The following ABHD12 variants were observed in gnomAD, a reference collection of about 807,000 sequenced individuals.
The protein encoded by ABHD12 is lysophosphatidylserine lipase ABHD12.
ABHD12 carries 43 observed loss-of-function variants against 58.3 expected under a neutral mutation model. The observed-to-expected ratio is 0.74, with a 90% CI of 0.58 to 0.95. The LOEUF is 0.95. Among genes scored for constraint, ABHD12 ranks in the 40% least tolerant of loss-of-function variants. The pLI is 0.00. For synonymous variants in ABHD12, 219 were observed against 211.2 expected (o/e 1.04, Z -0.32); for missense variants, 539 against 537.2 (o/e 1.00, Z -0.03).
rs2088979026 is a variant in ABHD12, at chr20:25,317,194, T to C, written c.543-116A>G. The stretch of plus-strand genomic sequence containing the variant: ...GCCAATGAAAGAGGGCAGAACCTCT[T>C]CCTTGGGTCCCCCTAAGTAGCCCCA... On this transcript the variant is annotated intron_variant, in intron 4 of 12. Coordinates refer to ENST00000339157, the MANE Select transcript of ABHD12 (RefSeq NM_001042472.3). 8.3e-6 allele frequency: 6 copies of C among 723,254 alleles called. No individual in the cohort carries two copies. In the East Asian group the frequency reaches 1.6e-4, roughly 19 times the overall value. The allele number at this position is 723,254 out of a possible 1,614,324, so 44.8% of individuals were successfully genotyped here.
chr20:25,308,569 G>A, intron 7 of ABHD12, 75 bp from the exon 8 acceptor site: 1 of 1,518,046 alleles, frequency 6.6e-7, no homozygotes, highest in African/African-American at 1.4e-5. Context: ...ATGCTGGAAA[G>A]TGCTCAGAGG....
chr20:25,362,818 G>C (rs907903750), intron 1 of ABHD12, among the ~76,000 whole-genome samples: 8 of 151,178 alleles, frequency 5.3e-5, no homozygotes, highest in Non-Finnish European at 8.9e-5. Flanking sequence ...GGGATTGCAG[G>C]CGTGCACCAC....
intron 5 of ABHD12, among the ~76,000 whole-genome samples, 164 bp downstream of exon 5, chr20:25,316,884 A>G (rs567556635): frequency 2.0e-5 from 3 of 152,324 alleles, no homozygotes; most frequent in Admixed American, 6.5e-5. Context: ...CTGTGACTGT[A>G]CCACTGCACT....
At chr20:25,389,148 G>A (rs759024350) in intron 1 of ABHD12, among the ~76,000 whole-genome samples, 1 of 152,044 alleles carries the variant, frequency 6.6e-6, no homozygotes, top group Non-Finnish European at 1.5e-5. Flanking sequence ...TTATCTAAGC[G>A]TTATGCCATG....
At chr20:25,350,506 C>T (rs1344406992) in intron 1 of ABHD12, among the ~76,000 whole-genome samples, 2 of 152,182 alleles carry the variant, frequency 1.3e-5, no homozygotes, top group African/African-American at 4.8e-5. Flanking sequence ...CTCCTGTGTG[C>T]CGCCATGTAA....
At chr20:25,334,837 A>T (rs1210110044) in intron 2 of ABHD12, among the ~76,000 whole-genome samples, 11 of 149,130 alleles carry the variant, frequency 7.4e-5, no homozygotes, top group Admixed American at 4.0e-4. Flanking sequence ...CGTTAGACCT[A>T]AAACCATAAA....
At chr20:25,320,457 A>G in intron 3 of ABHD12, 139 bp from the exon 4 acceptor site, 6 of 1,148,082 alleles carry the variant, frequency 5.2e-6, no homozygotes, top group Non-Finnish European at 7.6e-6. Context: ...AGGGGAACAG[A>G]TGGGGGTGGG....
At chr20:25,329,668 T>A (rs1462914754) in intron 2 of ABHD12, among the ~76,000 whole-genome samples, 1 of 152,160 alleles carries the variant, frequency 6.6e-6, no homozygotes, top group Non-Finnish European at 1.5e-5. Context: ...GGTCTTTGAG[T>A]GCTGAGGGTC....
rs774364788 is a variant in ABHD12, at chr20:25,306,895, C to G, written c.888G>C (p.Gly296=). The change falls in exon 10 of 13, where the codon GGG becomes GGC. Residue 296 remains glycine, a synonymous_variant. Transcript: ENST00000339157. ...TAGGATCAAGGAAGAACCAGTCAAA[C>G]CCAGGGAAGTATCGATATATCTGGA... is the stretch of plus-strand genomic sequence containing the variant. ...PFSVIYRYFP[G]FDWFFLDPIT... The G allele has an allele frequency of 1.2e-6, 2 of 1,612,398 alleles. No individual in the cohort carries two copies. Among genetic ancestry groups the G allele is most frequent in the Non-Finnish European group, 1.7e-6 (2 of 1,178,724 alleles).
At chr20:25,362,091 A>T (rs989325267) in intron 1 of ABHD12, among the ~76,000 whole-genome samples, 6 of 151,718 alleles carry the variant, frequency 4.0e-5, no homozygotes, top group Admixed American at 2.0e-4. Flanking sequence ...CCTGGCCAAC[A>T]TGGTGAAAAC....
intron 1 of ABHD12, among the ~76,000 whole-genome samples, chr20:25,366,798 A>G (rs1182860653): frequency 6.6e-6 from 1 of 152,124 alleles, no homozygotes; most frequent in African/African-American, 2.4e-5. Context: ...TATTATTCCA[A>G]CTTCACCTAA....
chr20:25,368,509 G>C, intron 1 of ABHD12: 1 of 1,519,438 alleles, frequency 6.6e-7, no homozygotes, highest in East Asian at 2.3e-5. Flanking sequence ...TTAGGATGAA[G>C]TTTTCATCAC....
At chr20:25,298,150 C>T (rs1251717341), downstream of ABHD12, 3 of 152,372 alleles carry the variant, frequency 2.0e-5, no homozygotes, top group Admixed American at 6.5e-5. Context: ...ACAGGTCCCC[C>T]GTCTGAAACT....
chr20:25,302,360 G>T lies in ABHD12; in HGVS notation c.1030-14C>A, dbSNP rs1444750561. The T allele has an allele frequency of 5.0e-6, 8 of 1,612,544 alleles. No individual in the cohort carries two copies. Among genetic ancestry groups the T allele is most frequent in the Middle Eastern group, 3.8e-4 (2 of 5,298 alleles). Reference sequence around the variant, plus strand: ...GATGCTATAGAGCTGGGGAGAGAGGGGTCAGAGCCTGAGGCAGTGGCCTGG... The same window carrying T: ...GATGCTATAGAGCTGGGGAGAGAGGTGTCAGAGCCTGAGGCAGTGGCCTGG... On this transcript the variant is annotated splice_polypyrimidine_tract_variant and intron_variant, in intron 11 of 12. Transcript: ENST00000339157.
chr20:25,372,179 T>G (rs1418161149), intron 1 of ABHD12, among the ~76,000 whole-genome samples: 2 of 151,990 alleles, frequency 1.3e-5, no homozygotes, highest in Non-Finnish European at 2.9e-5. Context: ...TAACATTTCT[T>G]AAAGCATGGG....
chr20:25,329,542 G>A (rs2089233208), intron 2 of ABHD12, among the ~76,000 whole-genome samples: 2 of 152,254 alleles, frequency 1.3e-5, no homozygotes, highest in African/African-American at 4.8e-5. Flanking sequence ...GGGTGCCGTG[G>A]AGGGTGAAGA....
At chr20:25,360,765 A>G (rs1230552977) in intron 1 of ABHD12, among the ~76,000 whole-genome samples, 1 of 152,214 alleles carries the variant, frequency 6.6e-6, no homozygotes, top group Non-Finnish European at 1.5e-5. Flanking sequence ...GACAAGGCAC[A>G]TGAACCAACA....
downstream of ABHD12, chr20:25,296,646 G>A: frequency 1.5e-6 from 2 of 1,290,614 alleles, no homozygotes; most frequent in South Asian, 2.9e-5. Flanking sequence ...ATGTTTCCAG[G>A]AGGGGCCATG....
chr20:25,302,327 G>A lies in ABHD12; in HGVS notation c.1049C>T (p.Pro350Leu), dbSNP rs369745821. Reference sequence around the variant, plus strand: ...TTTGAAATCTCGGAAGCTTCGAGCTGGTGCGGCGATGCTATAGAGCTGGGG... The same window carrying A: ...TTTGAAATCTCGGAAGCTTCGAGCTAGTGCGGCGATGCTATAGAGCTGGGG... ...LGRKLYSIAA[P>L]ARSFRDFKVQ... Residue 350 changes from proline to leucine, a missense_variant, in exon 12 of 13, where the codon CCA becomes CTA. Pro to Leu is a moderately conservative substitution (Grantham distance 98, BLOSUM62 -3). Coordinates refer to ENST00000339157, the MANE Select transcript of ABHD12 (RefSeq NM_001042472.3). 2 of 1,613,568 alleles carry A rather than the reference G, an allele frequency of 1.2e-6. No individual in the cohort carries two copies. Among genetic ancestry groups the A allele is most frequent in the Non-Finnish European group, 8.5e-7 (1 of 1,179,964 alleles).
Sources: allele counts gnomAD v4.1 joint callset (sites outside exome capture counted in the v4.1 genomes callset), GRCh38; gene constraint gnomAD v4.1.1; transcripts MANE v1.5; gene names NCBI Gene and HGNC (gene_info 2026-07-23, HGNC 2026-07-21).